PTPRD: variants seen among roughly 807,000 people sequenced by gnomAD.
PTPRD encodes protein tyrosine phosphatase receptor type D, also known as receptor-type tyrosine-protein phosphatase delta.
PTPRD carries 34 observed loss-of-function variants against 214.5 expected under a neutral mutation model. The ratio of observed to expected loss-of-function variants is 0.16; its 90% CI spans 0.12 to 0.21. The LOEUF is 0.21. Among genes scored for constraint, PTPRD ranks in the 10% least tolerant of loss-of-function variants. PTPRD has a pLI of 1.00. For missense variants in PTPRD, 2,545 were observed against 2,398.7 expected (o/e 1.06, Z -1.27); for synonymous variants, 1,128 against 845.7 (o/e 1.33, Z -5.79).
chr9:9,868,352 C>T (rs960886762), intron 5 of PTPRD, among the ~76,000 whole-genome samples: 6 of 151,910 alleles, frequency 3.9e-5, no homozygotes, highest in African/African-American at 9.7e-5. Flanking sequence ...GTCCAAAATG[C>T]TTTTCTGGAA....
intron 11 of PTPRD, among the ~76,000 whole-genome samples, chr9:8,764,621 C>T (rs569782540): frequency 1.3e-5 from 2 of 152,028 alleles, no homozygotes; most frequent in South Asian, 4.2e-4. Context: ...CATGGTGAAA[C>T]CCCATCTCTA....
chr9:9,535,371 C>T (rs939790483), intron 8 of PTPRD, among the ~76,000 whole-genome samples: 1 of 152,196 alleles, frequency 6.6e-6, no homozygotes, highest in South Asian at 2.1e-4. Flanking sequence ...TCTGAAAAGA[C>T]AGCATAACAC....
At chr9:9,421,502 T>C (rs2142521930) in intron 8 of PTPRD, among the ~76,000 whole-genome samples, 1 of 152,246 alleles carries the variant, frequency 6.6e-6, no homozygotes, top group South Asian at 2.1e-4. Flanking sequence ...TCACCTGTGG[T>C]ACTGCCAATT....
intron 9 of PTPRD, among the ~76,000 whole-genome samples, chr9:9,313,572 A>C (rs919809974): frequency 2.0e-5 from 3 of 152,194 alleles, no homozygotes; most frequent in Admixed American, 2.0e-4. Flanking sequence ...AGTGGAATCC[A>C]AATCTAGCTG....
chr9:9,615,219 G>A (rs2094785461), intron 7 of PTPRD, among the ~76,000 whole-genome samples: 1 of 152,084 alleles, frequency 6.6e-6, no homozygotes, highest in African/African-American at 2.4e-5. Context: ...CGTCCCAGAG[G>A]CTCACAACAC....
At chr9:10,169,032 C>T (rs1037044093) in intron 3 of PTPRD, among the ~76,000 whole-genome samples, 3 of 152,084 alleles carry the variant, frequency 2.0e-5, no homozygotes, top group Admixed American at 2.0e-4. Flanking sequence ...TAAAAATTGT[C>T]AGAAACCAGC....
chr9:10,014,247 A>ATGAGGAAACTAAGACTC (rs1297872657), intron 4 of PTPRD, among the ~76,000 whole-genome samples: 6 of 152,024 alleles, frequency 3.9e-5, no homozygotes, highest in African/African-American at 1.4e-4. Context: ...CACTTCACAG[A>ATGAGGAAACTAAGACTC]TGAGGAAACT....
intron 2 of PTPRD, among the ~76,000 whole-genome samples, chr9:10,539,265 A>G (rs998754502): frequency 7.2e-5 from 11 of 152,144 alleles, no homozygotes; most frequent in Admixed American, 1.3e-4. Context: ...GCTCACTGCA[A>G]CCACTGTCTT....
chr9:10,360,288 CT>C (rs1473415883), intron 2 of PTPRD, among the ~76,000 whole-genome samples: 2 of 152,182 alleles, frequency 1.3e-5, no homozygotes, highest in African/African-American at 4.8e-5. Context: ...TGTTATTGGA[CT>C]TTAATAAAAA....
intron 10 of PTPRD, among the ~76,000 whole-genome samples, chr9:9,051,842 A>C (rs2099686327): frequency 6.6e-6 from 1 of 152,162 alleles, no homozygotes; most frequent in Non-Finnish European, 1.5e-5. Context: ...GAAAATTTCT[A>C]ATCCTGCCTG....
At chr9:9,443,128 A>C (rs1390519358) in intron 8 of PTPRD, among the ~76,000 whole-genome samples, 1 of 152,220 alleles carries the variant, frequency 6.6e-6, no homozygotes, top group Non-Finnish European at 1.5e-5. Context: ...AATTTCAAAA[A>C]TAGGGCCATT....
chr9:10,362,515 G>C (rs1423551497), intron 2 of PTPRD, among the ~76,000 whole-genome samples: 2 of 152,064 alleles, frequency 1.3e-5, no homozygotes, highest in African/African-American at 4.8e-5. Flanking sequence ...TCTACTTCTT[G>C]AAATTCTTAC....
chr9:10,587,703 G>C (rs2074288194), intron 2 of PTPRD, among the ~76,000 whole-genome samples: 2 of 151,970 alleles, frequency 1.3e-5, no homozygotes, highest in Admixed American at 6.6e-5. Flanking sequence ...GCTCACTTAA[G>C]GACTAAATTC....
At chr9:9,660,498 G>A (rs973390703) in intron 7 of PTPRD, among the ~76,000 whole-genome samples, 1 of 152,018 alleles carries the variant, frequency 6.6e-6, no homozygotes, top group African/African-American at 2.4e-5. Context: ...AGACATAGAT[G>A]TGGGTTATAC....
intron 4 of PTPRD, among the ~76,000 whole-genome samples, chr9:9,955,205 G>T (rs536989329): frequency 6.6e-6 from 1 of 152,136 alleles, no homozygotes; most frequent in Non-Finnish European, 1.5e-5. Flanking sequence ...CACTGGAAAG[G>T]GAGCATGAAA....
At chr9:8,750,155 G>A (rs1035597095) in intron 11 of PTPRD, among the ~76,000 whole-genome samples, 3 of 151,964 alleles carry the variant, frequency 2.0e-5, no homozygotes, top group Admixed American at 6.6e-5. Context: ...CTAGGAGATA[G>A]AAAAATACAA....
chr9:8,687,635 A>T (rs1392784654), intron 12 of PTPRD, among the ~76,000 whole-genome samples: 1 of 152,186 alleles, frequency 6.6e-6, no homozygotes, highest in African/African-American at 2.4e-5. Flanking sequence ...GAAAACTGAC[A>T]TTTTGGGGTA....
At chr9:10,215,141 A>G (rs578069582) in intron 3 of PTPRD, among the ~76,000 whole-genome samples, 2 of 152,166 alleles carry the variant, frequency 1.3e-5, no homozygotes, top group East Asian at 3.9e-4. Flanking sequence ...TATTATCGAC[A>G]AAAATTATGA....
At chr9:10,225,723 C>A (rs1283626965) in intron 3 of PTPRD, among the ~76,000 whole-genome samples, 2 of 152,018 alleles carry the variant, frequency 1.3e-5, no homozygotes, top group African/African-American at 4.8e-5. Context: ...GGATACATGC[C>A]TCAACTGCAA....
Sources: gnomAD v4.1 joint callset for allele counts (sites outside exome capture counted in the v4.1 genomes callset) on GRCh38, gnomAD v4.1.1 for gene constraint, MANE v1.5 for transcripts, NCBI Gene and HGNC (gene_info 2026-07-23, HGNC 2026-07-21) for gene names.